The following NRG1 variants were observed in gnomAD, a reference collection of about 807,000 sequenced individuals.
NRG1 encodes the protein neuregulin 1.
In NRG1, 18 loss-of-function variants were observed where a neutral mutation model predicts 63.8. The observed-to-expected ratio is 0.28, with a 90% CI of 0.19 to 0.42. The LOEUF is 0.42. Among genes scored for constraint, NRG1 ranks in the 10% least tolerant of loss-of-function variants. The pLI is 1.00. For synonymous variants in NRG1, 302 were observed against 301.3 expected (o/e 1.00, Z -0.02); for missense variants, 762 against 814.7 (o/e 0.94, Z 0.79).
chr8:32,230,669 AG>A lies in NRG1; in HGVS notation c.38-365158del, dbSNP rs147929200. 6.5e-3 allele frequency among the ~76,000 whole-genome samples: 995 copies of A among 152,316 alleles called. 12 individuals are homozygous for A. The highest frequency in any genetic ancestry group is 0.023 in the African/African-American group (937 of 41,552). ...AGTCACGTCATTGCAGTAAAATGGA[AG>A]AAAAAACAAGAGTATAAATGAAGTG... On this transcript the variant is annotated intron_variant, in intron 1 of 10. Transcript: ENST00000519301.
intron 1 of NRG1, among the ~76,000 whole-genome samples, chr8:31,953,462 A>G (rs1676459): frequency 0.84 from 128,389 of 152,166 alleles, 54,970 homozygotes; most frequent in Non-Finnish European, 0.91. Flanking sequence ...TAAGAATGAT[A>G]AGATACTTAA....
intron 1 of NRG1, among the ~76,000 whole-genome samples, chr8:32,569,593 AG>A (rs745331165): frequency 2.6e-5 from 4 of 152,178 alleles, no homozygotes; most frequent in Non-Finnish European, 4.4e-5. Flanking sequence ...CTTTATTGCC[AG>A]GGAAGCACTT....
intron 1 of NRG1, among the ~76,000 whole-genome samples, chr8:32,064,481 A>G (rs749659394): frequency 1.8e-4 from 28 of 152,118 alleles, no homozygotes; most frequent in Non-Finnish European, 2.5e-4. Context: ...ACAATTTGCC[A>G]TCCTTCAGCT....
At chr8:31,936,565 C>T (rs1449108627) in intron 1 of NRG1, among the ~76,000 whole-genome samples, 3 of 152,168 alleles carry the variant, frequency 2.0e-5, no homozygotes, top group African/African-American at 7.2e-5. Flanking sequence ...TATTACATTT[C>T]TGATTTACAT....
At chr8:32,279,699 G>A (rs1370251601) in intron 1 of NRG1, among the ~76,000 whole-genome samples, 3 of 152,234 alleles carry the variant, frequency 2.0e-5, no homozygotes, top group Non-Finnish European at 2.9e-5. Context: ...ATGTTAGTAA[G>A]TGGTAGAGGT....
intron 1 of NRG1, among the ~76,000 whole-genome samples, chr8:31,947,820 C>T (rs1230011458): frequency 6.6e-6 from 1 of 151,812 alleles, no homozygotes; most frequent in Non-Finnish European, 1.5e-5. Flanking sequence ...GTGGTGCATT[C>T]CTGTAGTCCC....
At chr8:32,304,232 A>C (rs953895860) in intron 1 of NRG1, among the ~76,000 whole-genome samples, 1 of 152,264 alleles carries the variant, frequency 6.6e-6, no homozygotes, top group Admixed American at 6.5e-5. Flanking sequence ...TCAAAGTACC[A>C]GTGAATGGAA....
intron 7 of NRG1, among the ~76,000 whole-genome samples, chr8:32,752,184 G>A (rs999041825): frequency 6.6e-6 from 1 of 152,118 alleles, no homozygotes; most frequent in Non-Finnish European, 1.5e-5. Flanking sequence ...TGCATCCTGG[G>A]TCCCAGGGAG....
At chr8:32,664,178 C>T (rs998004208) in intron 5 of NRG1, among the ~76,000 whole-genome samples, 2 of 151,802 alleles carry the variant, frequency 1.3e-5, no homozygotes, top group Non-Finnish European at 2.9e-5. Context: ...TTGAGAGAGA[C>T]AGAAAGAGCT....
Position 32,767,884 on chromosome 8 carries a change from G to A in NRG1, c.*3482G>A, listed in dbSNP as rs529397521. 4 of 152,268 alleles carry A rather than the reference G, an allele frequency of 2.6e-5. No individual in the cohort carries two copies. In the East Asian group the frequency reaches 7.7e-4, roughly 29 times the overall value. The allele number at this position is 152,268 out of a possible 1,614,324, so 9.4% of individuals were successfully genotyped here. On this transcript the variant is annotated 3_prime_UTR_variant, in exon 12 of 12. Transcript: ENST00000356819. ...TATTATTCAAAATACTAAGCAATAAGTAATTGTGATTTATTTAAAGTTTTG... is the reference window on the plus strand; with the variant it reads ...TATTATTCAAAATACTAAGCAATAAATAATTGTGATTTATTTAAAGTTTTG...
downstream of NRG1, among the ~76,000 whole-genome samples, chr8:32,771,096 G>A (rs1000588175): frequency 6.6e-6 from 1 of 151,852 alleles, no homozygotes; most frequent in Non-Finnish European, 1.5e-5. Context: ...GCTTTGATAA[G>A]TTCTTTAGGT....
chr8:32,175,496 A>G (rs566895415), intron 1 of NRG1, among the ~76,000 whole-genome samples: 59 of 152,296 alleles, frequency 3.9e-4, no homozygotes, highest in African/African-American at 1.4e-3. Context: ...ATCAGGCAGA[A>G]GAAGGAAATA....
At chr8:32,178,664 C>T (rs1401036473) in intron 1 of NRG1, among the ~76,000 whole-genome samples, 1 of 152,040 alleles carries the variant, frequency 6.6e-6, no homozygotes, top group Non-Finnish European at 1.5e-5. Flanking sequence ...TGTCCATGGG[C>T]AAAGTCAGAG....
Position 31,799,350 on chromosome 8 carries a change from G to A in NRG1, c.37+159919G>A, listed in dbSNP as rs143096474. Among the ~76,000 whole-genome samples the A allele has an allele frequency of 9.1e-3, 1,384 of 152,174 alleles. 30 individuals are homozygous for A. The highest frequency in any genetic ancestry group is 0.032 in the African/African-American group (1,326 of 41,546). ...TTTAGGCGATACTTGCCAAAATCTA[G>A]TTCAGGATTAGAATAGGCTGTGTTG... is the stretch of plus-strand genomic sequence containing the variant. On this transcript the variant is annotated intron_variant, in intron 1 of 10. Coordinates refer to the NRG1 transcript ENST00000519301.
In NRG1 at chr8:31,846,846, T is replaced by G. The variant is rs998632478; in HGVS notation, c.37+207415T>G. Among the ~76,000 whole-genome samples the G allele has an allele frequency of 2.6e-5, 4 of 152,190 alleles. No homozygotes were observed. In the South Asian group the frequency reaches 8.3e-4, roughly 32 times the overall value. ...TTAGGATTGGTGAGGCTGAAGAAAT[T>G]CTATGCATTTTGTCATTTAGTGAAT... On this transcript the variant is annotated intron_variant, in intron 1 of 10. Transcript: ENST00000519301.
intron 1 of NRG1, among the ~76,000 whole-genome samples, chr8:32,367,682 A>G (rs1247176124): frequency 6.6e-6 from 1 of 152,040 alleles, no homozygotes; most frequent in Non-Finnish European, 1.5e-5. Flanking sequence ...TTTTAGTTTA[A>G]TATGGTCCCA....
intron 1 of NRG1, among the ~76,000 whole-genome samples, chr8:31,874,030 T>A (rs1401558874): frequency 6.6e-6 from 1 of 152,232 alleles, no homozygotes; most frequent in African/African-American, 2.4e-5. Context: ...GTAAGGCTAT[T>A]TTCATTGCAT....
intron 1 of NRG1, among the ~76,000 whole-genome samples, chr8:32,542,283 C>T (rs983337283): frequency 1.3e-5 from 2 of 152,116 alleles, no homozygotes; most frequent in African/African-American, 2.4e-5. Flanking sequence ...TTTTATTTTA[C>T]ATATTTGTTC....
chr8:32,570,303 C>T (rs1838306227), intron 1 of NRG1, among the ~76,000 whole-genome samples: 1 of 152,092 alleles, frequency 6.6e-6, no homozygotes, highest in East Asian at 1.9e-4. Context: ...GAAGCTTGTG[C>T]ATTCATTTAT....
Sources: gnomAD v4.1 joint callset for allele counts (sites outside exome capture counted in the v4.1 genomes callset) on GRCh38, gnomAD v4.1.1 for gene constraint, MANE v1.5 for transcripts, NCBI Gene and HGNC (gene_info 2026-07-23, HGNC 2026-07-21) for gene names.